The following GABRB3 variants were observed in gnomAD, a reference collection of about 807,000 sequenced individuals.
The protein encoded by GABRB3 is gamma-aminobutyric acid type A receptor subunit beta3.
A neutral mutation model predicts 52.1 loss-of-function variants in GABRB3; 14 were observed. The ratio of observed to expected loss-of-function variants is 0.27; its 90% CI spans 0.18 to 0.42. The LOEUF is 0.42. Among genes scored for constraint, GABRB3 ranks in the 10% least tolerant of loss-of-function variants. GABRB3 has a pLI of 1.00. For synonymous variants in GABRB3, 260 were observed against 232.3 expected, an observed-to-expected ratio of 1.12 and a Z score of -1.08; for missense variants, 307 against 609.1, an observed-to-expected ratio of 0.50 and a Z score of 5.22.
chr15:26,567,603 T>C lies in GABRB3; in HGVS notation c.813A>G (p.Ala271=). The C allele has an allele frequency of 6.2e-7, 1 of 1,613,966 alleles. No homozygotes were observed. The highest frequency in any genetic ancestry group is 1.6e-4 in the Middle Eastern group (1 of 6,062). The change falls in exon 7 of 9, where the codon GCA becomes GCG. Residue 271 remains alanine, a synonymous_variant. Coordinates refer to ENST00000311550, the MANE Select transcript of GABRB3 (RefSeq NM_000814.6). ...TACCGAGGGCAACTCTAGCAGCAGA[T>C]GCATCATAATTGATCCAGAAGGACA... The part of the protein sequence containing the change: ...SWVSFWINYD[A]SAARVALGIT...
At chr15:26,622,644 C>T (rs187625954) in intron 3 of GABRB3, among the ~76,000 whole-genome samples, 2 of 152,280 alleles carry the variant, frequency 1.3e-5, no homozygotes, top group South Asian at 2.1e-4. Flanking sequence ...AATCCAGTCT[C>T]GACACAGGCC....
At chr15:26,752,843 C>T (rs1037960648) in intron 3 of GABRB3, among the ~76,000 whole-genome samples, 10 of 152,080 alleles carry the variant, frequency 6.6e-5, no homozygotes, top group African/African-American at 2.2e-4. Context: ...GGACGCTACA[C>T]GCCAGGACAA....
chr15:26,617,695 T>C (rs1035439265), intron 4 of GABRB3, among the ~76,000 whole-genome samples: 8 of 151,878 alleles, frequency 5.3e-5, no homozygotes, highest in African/African-American at 1.7e-4. Context: ...AAATAAAGGG[T>C]ATTCAATTAG....
At chr15:26,740,136 T>C (rs368454631) in intron 3 of GABRB3, among the ~76,000 whole-genome samples, 2 of 151,890 alleles carry the variant, frequency 1.3e-5, no homozygotes, top group African/African-American at 4.8e-5. Context: ...TGACTTGAGA[T>C]CCCCCCACCA....
Position 26,547,566 on chromosome 15 carries a change from A to T in GABRB3, c.*227T>A, listed in dbSNP as rs1000505987. The T allele has an allele frequency of 1.0e-5, 6 of 593,340 alleles. No homozygotes were observed. The African/African-American group carries it at 1.1e-4, about 11-fold the overall frequency. 36.8% of individuals were successfully genotyped at this position (593,340 alleles called of 1,614,324 possible). A position where few individuals can be genotyped will look rare whatever the true frequency, so the allele number is the denominator to read the frequency against. Reference sequence around the variant, plus strand: ...ATATGTATGTGTATTTGTCTTCCATACACATGGGCACTGACTCCTGTGTGT... The same window carrying T: ...ATATGTATGTGTATTTGTCTTCCATTCACATGGGCACTGACTCCTGTGTGT... On this transcript the variant is annotated 3_prime_UTR_variant, in exon 9 of 9. Transcript: ENST00000311550.
chr15:26,687,123 C>T (rs991763985), intron 3 of GABRB3, among the ~76,000 whole-genome samples: 3 of 152,206 alleles, frequency 2.0e-5, no homozygotes, highest in African/African-American at 4.8e-5. Flanking sequence ...TGTTCTGACT[C>T]GTGTCTTCCT....
intron 3 of GABRB3, among the ~76,000 whole-genome samples, chr15:26,751,025 C>A (rs1357889939): frequency 6.6e-6 from 1 of 152,060 alleles, no homozygotes; most frequent in South Asian, 2.1e-4. Context: ...TTATAAAATA[C>A]AATTCACACT....
intron 6 of GABRB3, among the ~76,000 whole-genome samples, chr15:26,577,355 AT>A (rs1181718524): frequency 6.6e-6 from 1 of 152,154 alleles, no homozygotes; most frequent in Non-Finnish European, 1.5e-5. Flanking sequence ...TCTACTAAAA[AT>A]ACAAAATTTA....
rs924422481 is a variant in GABRB3, at chr15:26,572,140, G to A, written c.683-4407C>T. Among the ~76,000 whole-genome samples, 48 of 152,092 alleles carry A rather than the reference G, an allele frequency of 3.2e-4. 4 individuals carry two copies. Among genetic ancestry groups the A allele is most frequent in the Non-Finnish European group, 2.9e-5 (2 of 68,026 alleles). Reference sequence around the variant, plus strand: ...TGCCCCACACATCCTAGTCTCTGAGGTGGAAACAGTAAGTGGGGCAAACAA... The same window carrying A: ...TGCCCCACACATCCTAGTCTCTGAGATGGAAACAGTAAGTGGGGCAAACAA... On this transcript the variant is annotated intron_variant, in intron 6 of 8. Coordinates refer to ENST00000311550, the MANE Select transcript of GABRB3 (RefSeq NM_000814.6).
intron 7 of GABRB3, among the ~76,000 whole-genome samples, chr15:26,562,766 C>T (rs1294168329): frequency 2.0e-5 from 3 of 152,184 alleles, no homozygotes; most frequent in Non-Finnish European, 4.4e-5. Flanking sequence ...TCTTCCATCT[C>T]CAACACAAGC....
At chr15:26,773,677 C>G (rs754888511), upstream of GABRB3, 12 of 1,574,470 alleles carry the variant, frequency 7.6e-6, no homozygotes, top group South Asian at 1.3e-4. Flanking sequence ...TCCCCAGGGT[C>G]CAGGAGAGCC....
intron 6 of GABRB3, among the ~76,000 whole-genome samples, chr15:26,571,908 C>T (rs1207434445): frequency 2.6e-5 from 4 of 151,970 alleles, no homozygotes; most frequent in East Asian, 3.9e-4. Context: ...ATTAGCCAGG[C>T]GTGGTGGCGG....
Position 26,546,273 on chromosome 15 carries a change from T to C in GABRB3, c.*1520A>G, listed in dbSNP as rs979825057. ...CATTTCAGTTTATGGATGCCTGTGA[T>C]AGAAATATTGTTTACAAAAAATATA... is the stretch of plus-strand genomic sequence containing the variant. On this transcript the variant is annotated 3_prime_UTR_variant, in exon 9 of 9. Transcript: ENST00000311550. 1.3e-5 allele frequency: 2 copies of C among 152,688 alleles called. No individual in the cohort carries two copies. The highest frequency in any genetic ancestry group is 2.4e-5 in the African/African-American group (1 of 41,472). 9.5% of individuals were successfully genotyped at this position (152,688 alleles called of 1,614,324 possible).
At chr15:26,681,015 T>C (rs1484577549) in intron 3 of GABRB3, among the ~76,000 whole-genome samples, 1 of 152,252 alleles carries the variant, frequency 6.6e-6, no homozygotes, top group South Asian at 2.1e-4. Context: ...CATGGCTTTA[T>C]ATTACTTCAT....
chr15:26,752,225 T>C, intron 3 of GABRB3, among the ~76,000 whole-genome samples: 1 of 145,174 alleles, frequency 6.9e-6, no homozygotes, highest in East Asian at 2.0e-4. Context: ...GCTTGCTCTC[T>C]TTATTTTATT....
At chr15:26,756,932 T>C (rs1595350184) in intron 3 of GABRB3, among the ~76,000 whole-genome samples, 1 of 152,166 alleles carries the variant, frequency 6.6e-6, no homozygotes, top group Non-Finnish European at 1.5e-5. Flanking sequence ...TTAGAAACTA[T>C]GTACCCAACA....
intron 3 of GABRB3, among the ~76,000 whole-genome samples, chr15:26,745,882 C>A (rs536608768): frequency 2.6e-5 from 4 of 152,118 alleles, no homozygotes; most frequent in Non-Finnish European, 4.4e-5. Context: ...CAGTTTCAGG[C>A]TATTAAAAAT....
intron 3 of GABRB3, among the ~76,000 whole-genome samples, chr15:26,706,641 T>C (rs1422640434): frequency 1.3e-5 from 2 of 151,906 alleles, no homozygotes; most frequent in African/African-American, 4.8e-5. Context: ...AACGAGAAAA[T>C]AGGGGTAAAT....
intron 3 of GABRB3, among the ~76,000 whole-genome samples, chr15:26,747,523 A>G (rs908402047): frequency 2.0e-5 from 3 of 152,156 alleles, no homozygotes; most frequent in Admixed American, 6.5e-5. Flanking sequence ...GTTCCCACAT[A>G]TTTGTTGTTA....
Sources: allele counts gnomAD v4.1 joint callset (sites outside exome capture counted in the v4.1 genomes callset), GRCh38; gene constraint gnomAD v4.1.1; transcripts MANE v1.5; gene names NCBI Gene and HGNC (gene_info 2026-07-23, HGNC 2026-07-21).